Variants in MAN1C1 observed in about 807,000 individuals in gnomAD.
The protein encoded by MAN1C1 is mannosyl-oligosaccharide 1,2-alpha-mannosidase IC.
Under a neutral mutation model 71.5 loss-of-function variants are expected in MAN1C1, and 49 were observed. The ratio of observed to expected loss-of-function variants is 0.69; its 90% CI spans 0.54 to 0.87. The LOEUF (loss-of-function observed/expected upper bound fraction) is 0.87. Among genes scored for constraint, MAN1C1 ranks in the 40% least tolerant of loss-of-function variants. The pLI is 0.00. For synonymous variants in MAN1C1, 352 were observed against 343.7 expected, an observed-to-expected ratio of 1.02 and a Z score of -0.27; for missense variants, 743 against 835.0, an observed-to-expected ratio of 0.89 and a Z score of 1.36.
rs1191998638 is a variant in MAN1C1 at position 25,630,424 on chromosome 1, C to T, written c.540+12087C>T. ...CATATTAATTTTAGGATTATTTTTTCTAATTCTGTGAACAATGATGTTGTT... is the reference window on the plus strand; with the variant it reads ...CATATTAATTTTAGGATTATTTTTTTTAATTCTGTGAACAATGATGTTGTT... On this transcript the variant is annotated intron_variant, in intron 1 of 11. Transcript: ENST00000374332. Among the ~76,000 whole-genome samples, 21 of 152,062 alleles carry T rather than the reference C, an allele frequency of 1.4e-4. 1 individual carries two copies. The highest frequency in any genetic ancestry group is 1.4e-3 in the Admixed American group (21 of 15,256).
intron 1 of MAN1C1, among the ~76,000 whole-genome samples, chr1:25,660,898 C>A (rs912676053): frequency 3.3e-5 from 5 of 151,632 alleles, no homozygotes; most frequent in African/African-American, 1.2e-4. Flanking sequence ...ACCATGTTGC[C>A]CAGGCTGGTC....
At chr1:25,729,840 G>T (rs2046886192) in intron 2 of MAN1C1, among the ~76,000 whole-genome samples, 1 of 152,098 alleles carries the variant, frequency 6.6e-6, no homozygotes, top group Non-Finnish European at 1.5e-5. Context: ...GAGGAACCCA[G>T]GTCTGTGAGG....
At chr1:25,698,416 T>C (rs1557770217) in intron 2 of MAN1C1, among the ~76,000 whole-genome samples, 1 of 152,166 alleles carries the variant, frequency 6.6e-6, no homozygotes, top group African/African-American at 2.4e-5. Flanking sequence ...AGGATTGGTG[T>C]TGGGATCTCA....
intron 1 of MAN1C1, among the ~76,000 whole-genome samples, chr1:25,638,495 A>C (rs1035934678): frequency 6.6e-6 from 1 of 152,122 alleles, no homozygotes; most frequent in East Asian, 1.9e-4. Flanking sequence ...ATTTCTTCTT[A>C]TATGTCTGAT....
intron 1 of MAN1C1, among the ~76,000 whole-genome samples, chr1:25,668,586 T>G (rs1467884783): frequency 6.7e-6 from 1 of 150,238 alleles, no homozygotes; most frequent in Non-Finnish European, 1.5e-5. Context: ...GACGGAGTCT[T>G]GCTCAGTCAC....
At chr1:25,660,471 C>T (rs1361628539) in intron 1 of MAN1C1, among the ~76,000 whole-genome samples, 1 of 143,084 alleles carries the variant, frequency 7.0e-6, no homozygotes, top group African/African-American at 2.6e-5. Context: ...CGGCTCACTG[C>T]AAGCTCCGCC....
chr1:25,724,301 C>T (rs2046805710), intron 2 of MAN1C1, among the ~76,000 whole-genome samples: 2 of 152,188 alleles, frequency 1.3e-5, no homozygotes, highest in South Asian at 2.1e-4. Context: ...CCTGGGATTA[C>T]AGGCATGAGC....
chr1:25,670,950 C>T (rs975358890), intron 1 of MAN1C1, among the ~76,000 whole-genome samples: 2 of 152,170 alleles, frequency 1.3e-5, no homozygotes, highest in East Asian at 1.9e-4. Flanking sequence ...GATCTTGGCT[C>T]GCTGCAACCA....
At chr1:25,698,003 G>C (rs2046389657) in intron 2 of MAN1C1, among the ~76,000 whole-genome samples, 2 of 152,218 alleles carry the variant, frequency 1.3e-5, no homozygotes, top group Admixed American at 6.5e-5. Context: ...TGCACTGCCT[G>C]CTAAGCGCTG....
chr1:25,782,635 C>T lies in MAN1C1; in HGVS notation c.1701C>T (p.Asp567=), dbSNP rs150201998. 718 of 1,614,056 alleles carry T rather than the reference C, an allele frequency of 4.4e-4. 2 individuals carry two copies. The highest frequency in any genetic ancestry group is 3.9e-3 in the South Asian group (358 of 91,078). Reference sequence around the variant, plus strand: ...AAGCCGGTTTCTCTGGGATCCAAGACGTGTACAGTAGCACCCCCAACCACG... The same window carrying T: ...AAGCCGGTTTCTCTGGGATCCAAGATGTGTACAGTAGCACCCCCAACCACG... The part of the protein sequence containing the change: ...RTEAGFSGIQ[D]VYSSTPNHDN... Residue 567 remains aspartate (D), a synonymous_variant, in exon 11 of 12, where the codon GAC becomes GAT. Coordinates refer to ENST00000374332, the MANE Select transcript of MAN1C1 (RefSeq NM_020379.4). This position sits in a 1 kb window ranked among gnomAD's most constrained non-coding sequence, Gnocchi z 4.4.
In MAN1C1 at chr1:25,719,861, G is replaced by A. The variant is rs183117772; in HGVS notation, c.638-26807G>A. Among the ~76,000 whole-genome samples, 9 of 152,260 alleles carry A rather than the reference G, an allele frequency of 5.9e-5. 1 individual carries two copies. The East Asian group carries it at 1.7e-3, about 29-fold the overall frequency. ...TAGAGTGGCGCAATCCTGGCTTAGT[G>A]CAACCTCCGCCTCCCAGGTTCAAGC... On this transcript the variant is annotated intron_variant, in intron 2 of 11. Transcript: ENST00000374332.
chr1:25,666,337 AG>A (rs1025011459), intron 1 of MAN1C1, among the ~76,000 whole-genome samples: 3 of 152,102 alleles, frequency 2.0e-5, no homozygotes, highest in African/African-American at 7.2e-5. Flanking sequence ...CACATCCAGG[AG>A]GGGGGCTGTT....
At position 25,771,938 on chromosome 1, in the gene MAN1C1, G is replaced by A. The variant is rs1444669802; in HGVS notation, c.1257+166G>A. 9.9e-6 allele frequency: 6 copies of A among 607,124 alleles called. No individual in the cohort carries two copies. The African/African-American group carries it at 1.1e-4, about 11-fold the overall frequency. 37.6% of individuals were successfully genotyped at this position (607,124 alleles called of 1,614,324 possible). On this transcript the variant is annotated intron_variant, in intron 8 of 11. Transcript: ENST00000374332. ...TGACAGGACAGTCCCCTCCCAGCCA[G>A]GCATTTTACACCCTGCGACCCTCCC...
chr1:25,679,267 G>A lies in MAN1C1; in HGVS notation c.541-7173G>A, dbSNP rs530989215. Among the ~76,000 whole-genome samples the A allele has an allele frequency of 2.0e-5, 3 of 152,204 alleles. No individual in the cohort carries two copies. The South Asian group carries it at 6.2e-4, about 32-fold the overall frequency. On this transcript the variant is annotated intron_variant, in intron 1 of 11. Coordinates refer to ENST00000374332, the MANE Select transcript of MAN1C1 (RefSeq NM_020379.4). ...TTTTTTTGGAGTAGGAAGAAAACAGGCACCTCCTTTGAGCATGCTAATATA... is the reference window on the plus strand; with the variant it reads ...TTTTTTTGGAGTAGGAAGAAAACAGACACCTCCTTTGAGCATGCTAATATA...
chr1:25,739,696 G>T (rs963058224), intron 2 of MAN1C1, among the ~76,000 whole-genome samples: 1 of 152,128 alleles, frequency 6.6e-6, no homozygotes, highest in African/African-American at 2.4e-5. Flanking sequence ...AGATTGACAC[G>T]CTCTTCACAG....
chr1:25,621,055 C>T (rs1030083882), intron 1 of MAN1C1, among the ~76,000 whole-genome samples: 6 of 152,242 alleles, frequency 3.9e-5, no homozygotes, highest in Non-Finnish European at 5.9e-5. Flanking sequence ...GGCAACCCAC[C>T]TCTCCTTCCT....
chr1:25,746,815 G>A lies in MAN1C1; in HGVS notation c.753+32G>A, dbSNP rs2047135785. 1 of 565,578 alleles carries A rather than the reference G, an allele frequency of 1.8e-6. No homozygotes were observed. The highest frequency in any genetic ancestry group is 3.2e-6 in the Non-Finnish European group (1 of 310,648). The allele number at this position is 565,578 out of a possible 1,614,324, so 35.0% of individuals were successfully genotyped here. A position where few individuals can be genotyped will look rare whatever the true frequency, so the allele number is the denominator to read the frequency against. On this transcript the variant is annotated intron_variant, in intron 3 of 11. Transcript: ENST00000374332. The surrounding 1 kb of genome is among the most constrained non-coding windows in gnomAD (Gnocchi z 4.0). ...CAGAGGCCCTCGGCGGGGGAGGGGGGCGGGGGCCAGAAGAGGCCCAACAGC... is the reference window on the plus strand; with the variant it reads ...CAGAGGCCCTCGGCGGGGGAGGGGGACGGGGGCCAGAAGAGGCCCAACAGC...
intron 2 of MAN1C1, among the ~76,000 whole-genome samples, chr1:25,708,073 C>T (rs760331323): frequency 1.2e-4 from 19 of 152,160 alleles, no homozygotes; most frequent in African/African-American, 2.4e-4. Context: ...GGGGCGAGTC[C>T]ATAAAGTGAA....
chr1:25,673,338 C>T (rs919814608), intron 1 of MAN1C1, among the ~76,000 whole-genome samples: 2 of 152,130 alleles, frequency 1.3e-5, no homozygotes, highest in Non-Finnish European at 2.9e-5. Context: ...GGTTTCTGCT[C>T]CATTCTGTGA....
Sources: allele counts gnomAD v4.1 joint callset (sites outside exome capture counted in the v4.1 genomes callset), GRCh38; gene constraint gnomAD v4.1.1; non-coding constraint Gnocchi (gnomAD v3.1); transcripts MANE v1.5; gene names NCBI Gene and HGNC (gene_info 2026-07-23, HGNC 2026-07-21).